LRP1B: variants seen among roughly 807,000 people sequenced by gnomAD.
The protein encoded by LRP1B is LDL receptor related protein 1B.
LRP1B carries 217 observed loss-of-function variants against 556.6 expected under a neutral mutation model. The observed-to-expected ratio is 0.39, with a 90% CI of 0.35 to 0.44. The LOEUF is 0.44. Ranked by LOEUF, LRP1B falls within the 20% of genes least tolerant of loss-of-function variation. The pLI is 1.00. For missense variants in LRP1B, 5,053 were observed against 5,620.8 expected, an observed-to-expected ratio of 0.90 and a Z score of 3.23; for synonymous variants, 2,047 against 1,865.8, an observed-to-expected ratio of 1.10 and a Z score of -2.50.
At chr2:140,903,567 A>T (rs925820420) in intron 22 of LRP1B, among the ~76,000 whole-genome samples, 2 of 152,072 alleles carry the variant, frequency 1.3e-5, no homozygotes, top group African/African-American at 4.8e-5. Context: ...TTAATATTAG[A>T]CATATCTTGA....
intron 6 of LRP1B, among the ~76,000 whole-genome samples, chr2:141,190,178 T>A (rs974861346): frequency 5.9e-5 from 9 of 151,942 alleles, no homozygotes; most frequent in African/African-American, 2.2e-4. Flanking sequence ...CACACCTTTA[T>A]TGTTTTCTGT....
intron 18 of LRP1B, among the ~76,000 whole-genome samples, chr2:140,968,916 C>A (rs920602919): frequency 5.9e-5 from 9 of 152,124 alleles, no homozygotes; most frequent in Non-Finnish European, 7.4e-5. Flanking sequence ...AATTTCTGTT[C>A]TTTTACATTT....
At chr2:140,618,146 T>C (rs1244017995) in intron 41 of LRP1B, among the ~76,000 whole-genome samples, 3 of 151,966 alleles carry the variant, frequency 2.0e-5, no homozygotes, top group Admixed American at 2.0e-4. Context: ...AGTGTATTGA[T>C]TGCATGCATA....
intron 3 of LRP1B, among the ~76,000 whole-genome samples, chr2:141,286,046 G>A (rs1685707645): frequency 1.7e-5 from 2 of 119,520 alleles, no homozygotes; most frequent in Admixed American, 2.1e-4. Flanking sequence ...CAGCCTGGGT[G>A]ACAGAGCGAG....
intron 7 of LRP1B, among the ~76,000 whole-genome samples, chr2:141,140,627 G>A (rs2105054523): frequency 6.6e-6 from 1 of 152,210 alleles, no homozygotes; most frequent in East Asian, 1.9e-4. Flanking sequence ...CAGCAAGATG[G>A]CAGCCATCTG....
intron 2 of LRP1B, among the ~76,000 whole-genome samples, chr2:141,655,132 C>T (rs568664763): frequency 1.3e-5 from 2 of 152,164 alleles, no homozygotes; most frequent in Admixed American, 6.5e-5. Context: ...GACTGAGGAG[C>T]GTAAGTATTG....
chr2:140,670,575 G>T (rs1685442988), intron 41 of LRP1B, among the ~76,000 whole-genome samples: 1 of 152,106 alleles, frequency 6.6e-6, no homozygotes, highest in Admixed American at 6.5e-5. Flanking sequence ...CCCTGCAGAG[G>T]ATCCTGTATA....
In LRP1B at chr2:142,115,544, A is replaced by T. The variant is rs1412616963; in HGVS notation, c.82+15104T>A. ...TATATAATATATATATTACATATGT[A>T]ATATATATATTATATATGTAATATA... is the stretch of plus-strand genomic sequence containing the variant. On this transcript the variant is annotated intron_variant, in intron 1 of 90. Coordinates refer to ENST00000389484, the MANE Select transcript of LRP1B (RefSeq NM_018557.3). 4.7e-3 allele frequency among the ~76,000 whole-genome samples: 188 copies of T among 39,868 alleles called. 47 individuals carry two copies. Among genetic ancestry groups the T allele is most frequent in the Non-Finnish European group, 8.3e-3 (158 of 19,116 alleles). The allele number at this position is 39,868 out of a possible 152,430, so 26.2% of individuals were successfully genotyped here. A position where few individuals can be genotyped will look rare whatever the true frequency, so the allele number is the denominator to read the frequency against.
chr2:141,269,111 A>G (rs1275498259), intron 3 of LRP1B, among the ~76,000 whole-genome samples: 1 of 152,224 alleles, frequency 6.6e-6, no homozygotes, highest in Non-Finnish European at 1.5e-5. Context: ...AGAGCTAGGT[A>G]GCTCACCTTA....
At chr2:140,891,686 T>C (rs1165485430) in intron 23 of LRP1B, among the ~76,000 whole-genome samples, 4 of 152,120 alleles carry the variant, frequency 2.6e-5, no homozygotes, top group Admixed American at 6.6e-5. Context: ...TGGGAATGAA[T>C]GATGGTTAAA....
chr2:141,466,570 A>G (rs1559086046), intron 3 of LRP1B, among the ~76,000 whole-genome samples: 1 of 152,158 alleles, frequency 6.6e-6, no homozygotes, highest in Non-Finnish European at 1.5e-5. Context: ...ACTGTGTTTA[A>G]TCAGGCTTCT....
chr2:141,288,459 A>T (rs1437700220), intron 3 of LRP1B, among the ~76,000 whole-genome samples: 1 of 152,120 alleles, frequency 6.6e-6, no homozygotes, highest in African/African-American at 2.4e-5. Flanking sequence ...AGAAAACACA[A>T]GAGAAAAAAT....
At chr2:141,901,655 T>A (rs1699621517) in intron 1 of LRP1B, among the ~76,000 whole-genome samples, 1 of 151,766 alleles carries the variant, frequency 6.6e-6, no homozygotes, top group Admixed American at 6.6e-5. Flanking sequence ...GCCATTTTAA[T>A]AAAAAAACTA....
chr2:140,806,047 G>T (rs1175932829), intron 32 of LRP1B, among the ~76,000 whole-genome samples: 1 of 144,752 alleles, frequency 6.9e-6, no homozygotes, highest in Non-Finnish European at 1.5e-5. Context: ...CTTATAAAAG[G>T]ATCCCCAGAG....
At chr2:140,678,767 T>TC (rs1422701782) in intron 41 of LRP1B, among the ~76,000 whole-genome samples, 47 of 92,044 alleles carry the variant, frequency 5.1e-4, no homozygotes, top group Admixed American at 2.1e-3. Context: ...GGCTTCAATC[T>TC]CCCTTTTTTT....
At chr2:140,450,324 GAGAA>G (rs75059438) in intron 63 of LRP1B, among the ~76,000 whole-genome samples, 1,816 of 152,184 alleles carry the variant, frequency 0.012, 20 homozygotes, top group Non-Finnish European at 0.017. Context: ...AATCAAATTT[GAGAA>G]AGAAACAAAA....
intron 15 of LRP1B, among the ~76,000 whole-genome samples, chr2:141,001,464 TC>T (rs1218353215): frequency 6.6e-6 from 1 of 152,060 alleles, no homozygotes; most frequent in Non-Finnish European, 1.5e-5. Flanking sequence ...ATGCTATCCC[TC>T]CTCCGTCCCC....
At chr2:140,363,373 G>C (rs893588238) in intron 72 of LRP1B, among the ~76,000 whole-genome samples, 1 of 151,484 alleles carries the variant, frequency 6.6e-6, no homozygotes, top group African/African-American at 2.4e-5. Context: ...CCTGGAAGCA[G>C]CTCTAGGAGA....
At chr2:140,881,715 T>C (rs1000642654) in intron 25 of LRP1B, among the ~76,000 whole-genome samples, 17 of 152,180 alleles carry the variant, frequency 1.1e-4, no homozygotes, top group African/African-American at 4.1e-4. Flanking sequence ...CAGCAATTAG[T>C]GATGGAAGGT....
Sources: allele counts gnomAD v4.1 joint callset (sites outside exome capture counted in the v4.1 genomes callset), GRCh38; gene constraint gnomAD v4.1.1; transcripts MANE v1.5; gene names NCBI Gene and HGNC (gene_info 2026-07-23, HGNC 2026-07-21).